TMEM191B: variants seen among roughly 807,000 people sequenced by gnomAD.
TMEM191B encodes the protein transmembrane protein 191B.
TMEM191B carries 8 observed loss-of-function variants against 26.6 expected under a neutral mutation model. The observed-to-expected ratio is 0.30, with a 90% CI of 0.18 to 0.54. The LOEUF is 0.54. Among genes scored for constraint, TMEM191B ranks in the 20% least tolerant of loss-of-function variants. The pLI, the probability that TMEM191B is intolerant of heterozygous loss-of-function variation, is 0.94. For synonymous variants in TMEM191B, 29 were observed against 113.7 expected (o/e 0.26, Z 4.74); for missense variants, 64 against 241.2 (o/e 0.27, Z 4.87).
rs1406130384 is a variant in TMEM191B, at chr22:18,528,631, G to T, written c.369G>T (p.Ala123=). The T allele has an allele frequency of 2.0e-6, 3 of 1,475,096 alleles. No individual in the cohort carries two copies. Among genetic ancestry groups the T allele is most frequent in the Non-Finnish European group, 1.8e-6 (2 of 1,119,186 alleles). 91.4% of individuals were successfully genotyped at this position (1,475,096 alleles called of 1,614,324 possible). Residue 123 remains alanine (A), a synonymous_variant, in exon 2 of 9, where the codon GCG becomes GCT. Transcript: ENST00000612978. ...CGCGCGAGGCGGCGCGGGAGCGCGC[G>T]GAGCGGGTGCGCAGAAGACTGGAGG... ...GEAREAARER[A]ERVRRRLEEA... is the part of the protein sequence containing the mutation.
Position 18,530,289 on chromosome 22 carries a change from A to T in TMEM191B, c.871A>T (p.Thr291Ser). 1.7e-6 allele frequency: 1 copy of T among 596,926 alleles called. No homozygotes were observed. The highest frequency in any genetic ancestry group is 2.3e-6 in the Non-Finnish European group (1 of 444,192). The allele number at this position is 596,926 out of a possible 1,614,324, so 37.0% of individuals were successfully genotyped here. ...GCTGGGCGCGCTGCAGGTGCTGCTG[A>T]CGCTGCCGCTCCTCTTCCTGGGGCT... Reference protein sequence around the residue: ...CVLGALQVLLTLPLLFLGLSL... With the variant: ...CVLGALQVLLSLPLLFLGLSL... The change falls in exon 9 of 9, where the codon ACG becomes TCG. Residue 291 changes from threonine (T) to serine (S), a missense_variant. Thr to Ser is a moderately conservative substitution (Grantham distance 58). This residue lies in a region of TMEM191B where 26 missense variants were observed against 127.1 expected (regional missense o/e 0.20). Coordinates refer to ENST00000612978, the MANE Select transcript of TMEM191B (RefSeq NM_001242313.1).
chr22:18,528,265 G>C lies in TMEM191B; in HGVS notation c.285G>C (p.Glu95Asp). 1 of 622,968 alleles carries C rather than the reference G, an allele frequency of 1.6e-6. No homozygotes were observed. Among genetic ancestry groups the C allele is most frequent in the Non-Finnish European group, 2.2e-6 (1 of 461,350 alleles). The allele number at this position is 622,968 out of a possible 1,614,324, so 38.6% of individuals were successfully genotyped here. ...ACCAGCGCCTGCAGGACCTGAGCGAGCGGGAGCGGAGGTGCGCGGGGAACG... is the reference window on the plus strand; with the variant it reads ...ACCAGCGCCTGCAGGACCTGAGCGACCGGGAGCGGAGGTGCGCGGGGAACG... ...SLNQRLQDLS[E>D]RERSLLRRRS... Residue 95 changes from glutamate to aspartate, a missense_variant, in exon 1 of 9, where the codon GAG (glutamate) becomes GAC (aspartate). Transcript: ENST00000612978.
intron 2 of TMEM191B, 31 bp from the exon 3 acceptor site, chr22:18,528,786 G>C (rs1932833264): frequency 1.2e-6 from 1 of 838,114 alleles, no homozygotes; most frequent in African/African-American, 2.4e-5. Context: ...CCGGCGGAGA[G>C]GTCGGCACCG....
chr22:18,529,199 C>T lies in TMEM191B; in HGVS notation c.546+106C>T, dbSNP rs56006201. ...TTAAGGCAGGCCCTGAAGGCGTGGG[C>T]GGGGCGGGGGATGTGGGCGGAGCAC... On this transcript the variant is annotated intron_variant, in intron 4 of 8. Coordinates refer to ENST00000612978, the MANE Select transcript of TMEM191B (RefSeq NM_001242313.1). 652,091 of 958,064 alleles carry T rather than the reference C, an allele frequency of 0.68. 190,628 individuals are homozygous for T. Among genetic ancestry groups the T allele is most frequent in the Non-Finnish European group, 0.71 (482,742 of 683,530 alleles). The allele number at this position is 958,064 out of a possible 1,614,324, so 59.3% of individuals were successfully genotyped here.
rs1568921238 is a variant in TMEM191B at position 18,530,547 on chromosome 22, G to C, written c.*88G>C. ...CTCCTCTCCTGAGAGTGTAGACCAA[G>C]GTTGCCTAATAAACTCAAGGGATGA... On this transcript the variant is annotated 3_prime_UTR_variant, in exon 9 of 9. Transcript: ENST00000612978. 1 of 486,112 alleles carries C rather than the reference G, an allele frequency of 2.1e-6. No individual in the cohort carries two copies. Among genetic ancestry groups the C allele is most frequent in the Non-Finnish European group, 2.8e-6 (1 of 355,812 alleles). The allele number at this position is 486,112 out of a possible 1,614,324, so 30.1% of individuals were successfully genotyped here. A position where few individuals can be genotyped will look rare whatever the true frequency, so the allele number is the denominator to read the frequency against.
rs1244331814 is a variant in TMEM191B, at chr22:18,529,069, C to G, written c.522C>G (p.Leu174=). Residue 174 remains leucine, a synonymous_variant, in exon 4 of 9, where the codon CTC becomes CTG. Coordinates refer to ENST00000612978, the MANE Select transcript of TMEM191B (RefSeq NM_001242313.1). ...PQSQKSTEQQ[L]AAQLVTLQNE... ...GCCAGAAGAGCACGGAGCAGCAACT[C>G]GCAGCCCAATTGGTGACGCTGCAGG... 6 of 711,622 alleles carry G rather than the reference C, an allele frequency of 8.4e-6. No homozygotes were observed. In the South Asian group the frequency reaches 9.4e-5, roughly 11 times the overall value. 44.1% of individuals were successfully genotyped at this position (711,622 alleles called of 1,614,324 possible). A position where few individuals can be genotyped will look rare whatever the true frequency, so the allele number is the denominator to read the frequency against.
chr22:18,528,048 C>T lies in TMEM191B; in HGVS notation c.68C>T (p.Pro23Leu). Residue 23 changes from proline (P) to leucine (L), a missense_variant, in exon 1 of 9, where the codon CCG (proline) becomes CTG (leucine). Pro to Leu is a moderately conservative substitution (Grantham distance 98, BLOSUM62 -3). Transcript: ENST00000612978. ...ATCCAGCCCGCTAGGCGCTCCCTGC[C>T]GCCCATTGTGACGCCTGCCAGCCGC... is the stretch of plus-strand genomic sequence containing the variant. Reference protein sequence around the residue: ...IVIQPARRSLPPIVTPASRRL... With the variant: ...IVIQPARRSLLPIVTPASRRL... 3 of 381,614 alleles carry T rather than the reference C, an allele frequency of 7.9e-6. No individual in the cohort carries two copies. Among genetic ancestry groups the T allele is most frequent in the Non-Finnish European group, 1.2e-5 (3 of 244,420 alleles). 23.6% of individuals were successfully genotyped at this position (381,614 alleles called of 1,614,324 possible).
At position 18,528,686 on chromosome 22, in the gene TMEM191B, A is replaced by G. The variant is rs1339236280; in HGVS notation, c.420+4A>G. 7.1e-7 allele frequency: 1 copy of G among 1,413,134 alleles called. No individual in the cohort carries two copies. Among genetic ancestry groups the G allele is most frequent in the Non-Finnish European group, 9.2e-7 (1 of 1,088,806 alleles). The allele number at this position is 1,413,134 out of a possible 1,614,324, so 87.5% of individuals were successfully genotyped here. A position where few individuals can be genotyped will look rare whatever the true frequency, so the allele number is the denominator to read the frequency against. On this transcript the variant is annotated splice_donor_region_variant and intron_variant, in intron 2 of 8. Coordinates refer to ENST00000612978, the MANE Select transcript of TMEM191B (RefSeq NM_001242313.1). ...GGAGCGCCACAAGGAGGACTTGGTGAGGAAGAGTCCTAGAATGGGGCTGGA... is the reference window on the plus strand; with the variant it reads ...GGAGCGCCACAAGGAGGACTTGGTGGGGAAGAGTCCTAGAATGGGGCTGGA...
At position 18,528,560 on chromosome 22, in the gene TMEM191B, C is replaced by G. The variant is rs1932828393; in HGVS notation, c.298C>G (p.Leu100Val). The G allele has an allele frequency of 7.0e-7, 1 of 1,421,782 alleles. No homozygotes were observed. The allele number at this position is 1,421,782 out of a possible 1,614,324, so 88.1% of individuals were successfully genotyped here. ...GCCAACCTCAGTTTCCCTCTGCAGCCTGCTGCGGAGGCGAAGCCAGGCAGC... is the reference window on the plus strand; with the variant it reads ...GCCAACCTCAGTTTCCCTCTGCAGCGTGCTGCGGAGGCGAAGCCAGGCAGC... ...LQDLSERERS[L>V]LRRRSQAAQP... The change falls in exon 2 of 9, where the codon CTG (leucine) becomes GTG (valine). Residue 100 changes from leucine to valine, a missense_variant and splice_region_variant. By Grantham distance (32) the Leu-to-Val change is conservative. Coordinates refer to ENST00000612978, the MANE Select transcript of TMEM191B (RefSeq NM_001242313.1).
intron 4 of TMEM191B, 165 bp from the exon 5 acceptor site, chr22:18,529,276 G>C (rs1932840321): frequency 2.2e-6 from 1 of 456,492 alleles, no homozygotes; most frequent in African/African-American, 3.7e-5. Context: ...GAGCGCGGAG[G>C]GGGCGTGGCC....
intron 6 of TMEM191B, 105 bp downstream of exon 6, chr22:18,529,829 T>G (rs1932846823): frequency 1.7e-6 from 1 of 583,952 alleles, no homozygotes; most frequent in Non-Finnish European, 2.4e-6. Flanking sequence ...GCGGAGGAGC[T>G]GGACGCCTGG....
Position 18,529,108 on chromosome 22 carries a change from C to G in TMEM191B, c.546+15C>G. The G allele has an allele frequency of 1.0e-6, 1 of 996,258 alleles. No individual in the cohort carries two copies. Among genetic ancestry groups the G allele is most frequent in the Non-Finnish European group, 1.4e-6 (1 of 707,738 alleles). The allele number at this position is 996,258 out of a possible 1,614,324, so 61.7% of individuals were successfully genotyped here. ...TGACGCTGCAGGTGCTTGAGCGGGACCCTGAGGTCTTTAGTAGGGGCGGAG... is the reference window on the plus strand; with the variant it reads ...TGACGCTGCAGGTGCTTGAGCGGGAGCCTGAGGTCTTTAGTAGGGGCGGAG... On this transcript the variant is annotated intron_variant, in intron 4 of 8. Transcript: ENST00000612978.
At position 18,529,888 on chromosome 22, in the gene TMEM191B, G is replaced by A. The variant is rs1431167974; in HGVS notation, c.723-48G>A. The A allele has an allele frequency of 1.7e-5, 10 of 586,230 alleles. 2 individuals carry two copies. The highest frequency in any genetic ancestry group is 5.9e-5 in the East Asian group (1 of 17,088). 36.3% of individuals were successfully genotyped at this position (586,230 alleles called of 1,614,324 possible). A position where few individuals can be genotyped will look rare whatever the true frequency, so the allele number is the denominator to read the frequency against. The stretch of plus-strand genomic sequence containing the variant: ...GAGTTGGGCCTGCGGGCGCGGCGGG[G>A]CACTGTGGGGCCGGGCTGGGCTCCC... On this transcript the variant is annotated intron_variant, in intron 6 of 8. Coordinates refer to ENST00000612978, the MANE Select transcript of TMEM191B (RefSeq NM_001242313.1).
Position 18,530,551 on chromosome 22 carries a change from G to A in TMEM191B, c.*92G>A. The A allele has an allele frequency of 2.1e-6, 1 of 476,440 alleles. No individual in the cohort carries two copies. The highest frequency in any genetic ancestry group is 3.7e-5 in the South Asian group (1 of 26,926). The allele number at this position is 476,440 out of a possible 1,614,324, so 29.5% of individuals were successfully genotyped here. A position where few individuals can be genotyped will look rare whatever the true frequency, so the allele number is the denominator to read the frequency against. ...TCTCCTGAGAGTGTAGACCAAGGTT[G>A]CCTAATAAACTCAAGGGATGAAGCT... On this transcript the variant is annotated 3_prime_UTR_variant, in exon 9 of 9. Transcript: ENST00000612978.
At chr22:18,529,122 G>C in intron 4 of TMEM191B, 29 bp downstream of exon 4, 2 of 953,322 alleles carry the variant, frequency 2.1e-6, no homozygotes, top group Admixed American at 5.2e-5. Context: ...GAGGTCTTTA[G>C]TAGGGGCGGA....
rs1429791821 is a variant in TMEM191B, at chr22:18,528,886, A to G, written c.471+19A>G. 3.2e-6 allele frequency: 3 copies of G among 946,270 alleles called. No individual in the cohort carries two copies. The highest frequency in any genetic ancestry group is 3.2e-5 in the South Asian group (2 of 62,690). 58.6% of individuals were successfully genotyped at this position (946,270 alleles called of 1,614,324 possible). ...GAGTCAGGTACGTGCAGGAGATGGGAGGGCCTGTCTCTTGGTTCCTCTCGG... is the reference window on the plus strand; with the variant it reads ...GAGTCAGGTACGTGCAGGAGATGGGGGGGCCTGTCTCTTGGTTCCTCTCGG... On this transcript the variant is annotated intron_variant, in intron 3 of 8. Coordinates refer to ENST00000612978, the MANE Select transcript of TMEM191B (RefSeq NM_001242313.1).
At chr22:18,529,275 G>A in intron 4 of TMEM191B, 166 bp from the exon 5 acceptor site, 3 of 306,886 alleles carry the variant, frequency 9.8e-6, no homozygotes, top group Non-Finnish European at 1.6e-5. Context: ...GGAGCGCGGA[G>A]GGGGCGTGGC....
chr22:18,529,156 A>C, intron 4 of TMEM191B, 63 bp downstream of exon 4: 1 of 935,420 alleles, frequency 1.1e-6, no homozygotes, highest in Non-Finnish European at 1.6e-6. Flanking sequence ...CGGGGCCGTG[A>C]CCACCTGGGG....
intron 3 of TMEM191B, 56 bp from the exon 4 acceptor site, chr22:18,528,963 G>C (rs1353834868): frequency 2.6e-5 from 15 of 573,956 alleles, no homozygotes; most frequent in Non-Finnish European, 3.6e-5. Flanking sequence ...TGTCTCCCCT[G>C]ACACTCGTTC....
Sources: gnomAD v4.1 joint callset for allele counts on GRCh38, gnomAD v4.1.1 for gene constraint, gnomAD v4.1.1 regional missense constraint, MANE v1.5 for transcripts, NCBI Gene and HGNC (gene_info 2026-07-23, HGNC 2026-07-21) for gene names.